UBA6: variants seen among roughly 807,000 people sequenced by gnomAD.
UBA6 encodes ubiquitin like modifier activating enzyme 6, also known as ubiquitin-like modifier-activating enzyme 6.
Under a neutral mutation model 148.3 loss-of-function variants are expected in UBA6, and 87 were observed. The observed-to-expected ratio is 0.59, with a 90% CI of 0.49 to 0.70. UBA6 has a LOEUF of 0.70. UBA6 is among the 30% of genes least tolerant of loss of function. UBA6 has a pLI of 0.00. For synonymous variants in UBA6, 376 were observed against 401.0 expected, an observed-to-expected ratio of 0.94 and a Z score of 0.75; for missense variants, 1,186 against 1,241.2, an observed-to-expected ratio of 0.96 and a Z score of 0.67.
chr4:67,668,427 T>C lies in UBA6; in HGVS notation c.793+124A>G, dbSNP rs957206437. 6.0e-5 allele frequency: 51 copies of C among 855,432 alleles called. No homozygotes were observed. The South Asian group carries it at 9.5e-4, about 16-fold the overall frequency. The allele number at this position is 855,432 out of a possible 1,614,324, so 53.0% of individuals were successfully genotyped here. On this transcript the variant is annotated intron_variant, in intron 9 of 32. Coordinates refer to ENST00000322244, the MANE Select transcript of UBA6 (RefSeq NM_018227.6). ...TAACAATGTCTTCACTTGGATCGAA[T>C]ATTTTGAGGCCAAGGGCTTTGGATC...
At position 67,629,128 on chromosome 4, in the gene UBA6, A is replaced by G; in HGVS notation, c.2343T>C (p.Asp781=). Reference sequence around the variant, plus strand: ...CTTCTGAAAGAATATTCAAGAGGGCATCTGCTGATAAGTCCTGTTTTTAAA... The same window carrying G: ...CTTCTGAAAGAATATTCAAGAGGGCGTCTGCTGATAAGTCCTGTTTTTAAA... ...IPFAEEDLSA[D]ALLNILSEVK... is the part of the protein sequence containing the mutation. Residue 781 remains aspartate, a synonymous_variant, in exon 27 of 33, where the codon GAT becomes GAC. Transcript: ENST00000322244. 1 of 1,608,186 alleles carries G rather than the reference A, an allele frequency of 6.2e-7. No individual in the cohort carries two copies. The highest frequency in any genetic ancestry group is 8.5e-7 in the Non-Finnish European group (1 of 1,175,586).
chr4:67,618,834 T>C lies in UBA6; in HGVS notation c.*163A>G. 1 of 665,390 alleles carries C rather than the reference T, an allele frequency of 1.5e-6. No individual in the cohort carries two copies. The highest frequency in any genetic ancestry group is 2.4e-6 in the Non-Finnish European group (1 of 416,406). 41.2% of individuals were successfully genotyped at this position (665,390 alleles called of 1,614,324 possible). On this transcript the variant is annotated 3_prime_UTR_variant, in exon 33 of 33. Coordinates refer to ENST00000322244, the MANE Select transcript of UBA6 (RefSeq NM_018227.6). Reference sequence around the variant, plus strand: ...CAAGTGTATGCTATGCCCCAAAATGTTTTATAATTCTTCAGTGCAGTTTCT... The same window carrying C: ...CAAGTGTATGCTATGCCCCAAAATGCTTTATAATTCTTCAGTGCAGTTTCT...
Position 67,626,400 on chromosome 4 carries a change from G to A in UBA6, c.2478C>T (p.Phe826=). Residue 826 remains phenylalanine, a synonymous_variant, in exon 28 of 33, where the codon TTC becomes TTT. Coordinates refer to ENST00000322244, the MANE Select transcript of UBA6 (RefSeq NM_018227.6). ...ISSEDERNAI[F]QLEKAILSNE... ...TAGATAAAATAGCCTTTTCTAGTTG[G>A]AAAATTGCATTCCTCTCATCTTCAC... 1 of 1,611,254 alleles carries A rather than the reference G, an allele frequency of 6.2e-7. No homozygotes were observed. The highest frequency in any genetic ancestry group is 8.5e-7 in the Non-Finnish European group (1 of 1,178,256).
chr4:67,674,102 C>T (rs1396919635), intron 6 of UBA6, among the ~76,000 whole-genome samples: 2 of 152,242 alleles, frequency 1.3e-5, no homozygotes, highest in African/African-American at 4.8e-5. Flanking sequence ...ATTACTATCA[C>T]ACAAATATTA....
intron 32 of UBA6, among the ~76,000 whole-genome samples, chr4:67,622,321 A>G (rs1728769716): frequency 6.6e-6 from 1 of 151,670 alleles, no homozygotes; most frequent in Non-Finnish European, 1.5e-5. Context: ...AACACCCCCA[A>G]CTCCCCATAT....
chr4:67,698,545 C>T (rs1414511861), intron 1 of UBA6, among the ~76,000 whole-genome samples: 1 of 152,108 alleles, frequency 6.6e-6, no homozygotes, highest in Non-Finnish European at 1.5e-5. Flanking sequence ...TAAAATTTGC[C>T]CAAAGTCACA....
At chr4:67,636,369 C>T (rs1316210853) in intron 19 of UBA6, among the ~76,000 whole-genome samples, 2 of 151,966 alleles carry the variant, frequency 1.3e-5, no homozygotes, top group Admixed American at 1.3e-4. Context: ...AATTTAGGTC[C>T]CTCTCCCTCT....
Sources: gnomAD v4.1 joint callset for allele counts (sites outside exome capture counted in the v4.1 genomes callset) on GRCh38, gnomAD v4.1.1 for gene constraint, MANE v1.5 for transcripts, NCBI Gene and HGNC (gene_info 2026-07-23, HGNC 2026-07-21) for gene names.